Variants in PDE10A observed in about 807,000 individuals in gnomAD.
PDE10A encodes phosphodiesterase 10A.
A neutral mutation model predicts 97.7 loss-of-function variants in PDE10A; 39 were observed. The observed-to-expected ratio is 0.40, with a 90% CI of 0.31 to 0.52. The LOEUF (loss-of-function observed/expected upper bound fraction) is 0.52, where lower values mean the gene tolerates loss of function less well. Ranked by LOEUF, PDE10A falls within the 20% of genes least tolerant of loss-of-function variation. The pLI is 0.56. For synonymous variants in PDE10A, 371 were observed against 376.8 expected (o/e 0.98, Z 0.18); for missense variants, 731 against 1,047.8 (o/e 0.70, Z 4.17).
At chr6:165,861,728 C>T (rs1252960482) in intron 1 of PDE10A, among the ~76,000 whole-genome samples, 1 of 151,866 alleles carries the variant, frequency 6.6e-6, no homozygotes, top group Non-Finnish European at 1.5e-5. Flanking sequence ...GCATGGGAGC[C>T]GAGGGGCTGC....
Position 165,515,964 on chromosome 6 carries a change from T to C in PDE10A, c.994+27476A>G, listed in dbSNP as rs549786549. On this transcript the variant is annotated intron_variant, in intron 2 of 21. Coordinates refer to ENST00000539869, the MANE Select transcript of PDE10A (RefSeq NM_001385079.1). Reference sequence around the variant, plus strand: ...ACCTATCAGAAGATTCTCTGATTTATGGAAGAGAGCAATCTACTCCAAAGG... The same window carrying C: ...ACCTATCAGAAGATTCTCTGATTTACGGAAGAGAGCAATCTACTCCAAAGG... 1.9e-3 allele frequency among the ~76,000 whole-genome samples: 284 copies of C among 152,352 alleles called. 2 individuals are homozygous for C. Among genetic ancestry groups the C allele is most frequent in the African/African-American group, 6.6e-3 (273 of 41,590 alleles).
intron 1 of PDE10A, among the ~76,000 whole-genome samples, chr6:165,793,487 G>A (rs1263470587): frequency 1.3e-5 from 2 of 152,116 alleles, no homozygotes; most frequent in African/African-American, 2.4e-5. Context: ...CCGGGGCTGG[G>A]GGGCGTGGGG....
In PDE10A at chr6:165,438,468, G is replaced by A. The variant is rs532913252; in HGVS notation, c.1195-3091C>T. Among the ~76,000 whole-genome samples, 29 of 152,316 alleles carry A rather than the reference G, an allele frequency of 1.9e-4. No individual in the cohort carries two copies. In the East Asian group the frequency reaches 4.4e-3, roughly 23 times the overall value. ...CTCCCAAAGTGCTGGGATTACAGGC[G>A]TGAGCCACTGTGCCTGGCCTATCCT... On this transcript the variant is annotated intron_variant, in intron 5 of 21. Coordinates refer to ENST00000539869, the MANE Select transcript of PDE10A (RefSeq NM_001385079.1).
intron 1 of PDE10A, among the ~76,000 whole-genome samples, chr6:165,890,072 CCTCA>C (rs1425206727): frequency 2.7e-5 from 4 of 146,698 alleles, no homozygotes; most frequent in Non-Finnish European, 6.0e-5. Context: ...CTCCCTCACT[CCTCA>C]CTCACTCCTC....
chr6:165,860,586 T>C (rs1186578641), intron 1 of PDE10A, among the ~76,000 whole-genome samples: 1 of 152,240 alleles, frequency 6.6e-6, no homozygotes, highest in Non-Finnish European at 1.5e-5. Flanking sequence ...GTCAGAACAC[T>C]CACAGTTTTC....
intron 3 of PDE10A, among the ~76,000 whole-genome samples, chr6:165,453,231 G>A (rs1324320896): frequency 6.6e-6 from 1 of 152,210 alleles, no homozygotes; most frequent in African/African-American, 2.4e-5. Flanking sequence ...TGAGTAGAGA[G>A]AAATTAAAGG....
chr6:165,568,058 GCACA>G (rs1307019075), intron 1 of PDE10A, among the ~76,000 whole-genome samples: 1 of 136,352 alleles, frequency 7.3e-6, no homozygotes, highest in African/African-American at 2.7e-5. Flanking sequence ...GAGTGCAGTG[GCACA>G]ATCTTGGCTC....
intron 1 of PDE10A, 49 bp from the exon 2 acceptor site, chr6:165,543,617 A>G (rs755684744): frequency 1.4e-6 from 2 of 1,451,952 alleles, no homozygotes; most frequent in East Asian, 4.6e-5. Flanking sequence ...ACATCCTCAT[A>G]TCAATGAAAG....
chr6:165,421,135 A>G (rs1788663538), intron 10 of PDE10A, among the ~76,000 whole-genome samples: 1 of 152,210 alleles, frequency 6.6e-6, no homozygotes, highest in South Asian at 2.1e-4. Context: ...GATTATCGTC[A>G]TGGTTGTCAA....
rs1789916865 is a variant in PDE10A, at chr6:165,655,705, C to A, written c.865+6242G>T. Among the ~76,000 whole-genome samples, 1 of 152,166 alleles carries A rather than the reference C, an allele frequency of 6.6e-6. No individual in the cohort carries two copies. Among genetic ancestry groups the A allele is most frequent in the Non-Finnish European group, 1.5e-5 (1 of 68,028 alleles). Reference sequence around the variant, plus strand: ...TGCAGCCAGAATGAGCTTCTGAGATCATAAACCATGGATCACCCACTGCTC... The same window carrying A: ...TGCAGCCAGAATGAGCTTCTGAGATAATAAACCATGGATCACCCACTGCTC... On this transcript the variant is annotated intron_variant, in intron 1 of 21. Transcript: ENST00000539869. The surrounding 1 kb of genome is among the most constrained non-coding windows in gnomAD (Gnocchi z 4.5).
intron 17 of PDE10A, among the ~76,000 whole-genome samples, chr6:165,384,589 CT>C (rs1457965796): frequency 6.7e-6 from 1 of 148,744 alleles, no homozygotes; most frequent in Non-Finnish European, 1.5e-5. Context: ...CCACTTCCTG[CT>C]TTTCCCTACC....
At chr6:165,420,494 T>C (rs1230354723) in intron 10 of PDE10A, among the ~76,000 whole-genome samples, 1 of 152,178 alleles carries the variant, frequency 6.6e-6, no homozygotes, top group Non-Finnish European at 1.5e-5. Context: ...GAATCACTCA[T>C]CTAATTCACA....
chr6:165,502,396 C>A (rs1780942840), intron 2 of PDE10A, among the ~76,000 whole-genome samples: 1 of 152,160 alleles, frequency 6.6e-6, no homozygotes, highest in Admixed American at 6.5e-5. Context: ...ACATAAAATT[C>A]TCTTACAACT....
At chr6:165,637,112 T>A (rs570428823) in intron 1 of PDE10A, among the ~76,000 whole-genome samples, 1 of 152,308 alleles carries the variant, frequency 6.6e-6, no homozygotes, top group African/African-American at 2.4e-5. Flanking sequence ...CATCCCATGT[T>A]ATAAATGAAC....
intron 1 of PDE10A, among the ~76,000 whole-genome samples, chr6:165,602,192 C>T (rs1786988916): frequency 6.6e-6 from 1 of 152,288 alleles, no homozygotes; most frequent in East Asian, 1.9e-4. Flanking sequence ...CAACCTCAGG[C>T]ACAGGTAACA....
intron 13 of PDE10A, among the ~76,000 whole-genome samples, chr6:165,405,901 C>T (rs1787102226): frequency 6.6e-6 from 1 of 152,012 alleles, no homozygotes; most frequent in Non-Finnish European, 1.5e-5. Flanking sequence ...GTAGTCTGTG[C>T]CAAGGAATAT....
chr6:165,950,790 A>G (rs893693839), intron 1 of PDE10A, among the ~76,000 whole-genome samples: 2 of 152,308 alleles, frequency 1.3e-5, no homozygotes, highest in African/African-American at 4.8e-5. Context: ...CAGGATGGTG[A>G]GTATCCTGAG....
At chr6:165,770,163 C>CAAAAAAAAAAAAAAAAAAAAAAAAAAAA (rs11442419) in intron 1 of PDE10A, among the ~76,000 whole-genome samples, 1 of 127,902 alleles carries the variant, frequency 7.8e-6, no homozygotes, top group Non-Finnish European at 1.7e-5. Context: ...TGCAAAAGGG[C>CAAAAAAAAAAAAAAAAAAAAAAAAAAAA]AAAAAAAAAA....
At chr6:165,429,640 A>G (rs550855540) in intron 9 of PDE10A, among the ~76,000 whole-genome samples, 20 of 152,210 alleles carry the variant, frequency 1.3e-4, no homozygotes, top group Admixed American at 7.2e-4. Flanking sequence ...GTAGGAGGAC[A>G]TGACCCTAAA....
Sources: allele counts gnomAD v4.1 joint callset (sites outside exome capture counted in the v4.1 genomes callset), GRCh38; gene constraint gnomAD v4.1.1; non-coding constraint Gnocchi (gnomAD v3.1); transcripts MANE v1.5; gene names NCBI Gene and HGNC (gene_info 2026-07-23, HGNC 2026-07-21).